CSMD3: variants seen among roughly 807,000 people sequenced by gnomAD.
CSMD3 encodes the protein CUB and Sushi multiple domains 3.
In CSMD3, 177 loss-of-function variants were observed where a neutral mutation model predicts 435.2. The ratio of observed to expected loss-of-function variants is 0.41; its 90% CI spans 0.36 to 0.46. The LOEUF (loss-of-function observed/expected upper bound fraction) is 0.46. Among genes scored for constraint, CSMD3 ranks in the 20% least tolerant of loss-of-function variants. The pLI is 0.34. For synonymous variants in CSMD3, 1,656 were observed against 1,520.5 expected (o/e 1.09, Z -2.07); for missense variants, 4,265 against 4,504.6 (o/e 0.95, Z 1.52).
chr8:112,988,273 T>C (rs770893400), intron 6 of CSMD3, among the ~76,000 whole-genome samples: 21 of 152,074 alleles, frequency 1.4e-4, no homozygotes, highest in Non-Finnish European at 1.6e-4. Context: ...TCAAATGTAT[T>C]TGAATTTAAG....
At chr8:113,290,403 T>A (rs1588450733) in intron 2 of CSMD3, among the ~76,000 whole-genome samples, 1 of 151,786 alleles carries the variant, frequency 6.6e-6, no homozygotes, top group East Asian at 1.9e-4. Context: ...GTCAATATTT[T>A]ATTTACAAAG....
At chr8:113,216,363 T>C (rs1405128462) in intron 3 of CSMD3, among the ~76,000 whole-genome samples, 1 of 151,832 alleles carries the variant, frequency 6.6e-6, no homozygotes, top group African/African-American at 2.4e-5. Flanking sequence ...CATATGGGCA[T>C]TGAGATATAG....
intron 1 of CSMD3, among the ~76,000 whole-genome samples, chr8:113,386,667 C>T (rs948104037): frequency 6.6e-6 from 1 of 151,696 alleles, no homozygotes; most frequent in Non-Finnish European, 1.5e-5. Context: ...GACTCAATGG[C>T]AATCATAGCA....
chr8:113,171,048 T>G (rs1363928696), intron 4 of CSMD3, among the ~76,000 whole-genome samples: 1 of 151,942 alleles, frequency 6.6e-6, no homozygotes, highest in African/African-American at 2.4e-5. Context: ...TAGGGTTAGA[T>G]TTGAACAGAA....
chr8:112,545,258 C>A (rs963458693), intron 27 of CSMD3, among the ~76,000 whole-genome samples: 2 of 151,758 alleles, frequency 1.3e-5, no homozygotes, highest in African/African-American at 4.8e-5. Context: ...CTGAGGCGGG[C>A]GGATCACAAG....
At chr8:112,674,460 A>G (rs527505008) in intron 16 of CSMD3, among the ~76,000 whole-genome samples, 10 of 152,082 alleles carry the variant, frequency 6.6e-5, no homozygotes, top group Non-Finnish European at 1.0e-4. Flanking sequence ...ATGGCTTCTC[A>G]CCGCACAATT....
At chr8:112,927,091 G>A (rs1211685434) in intron 9 of CSMD3, among the ~76,000 whole-genome samples, 2 of 152,056 alleles carry the variant, frequency 1.3e-5, no homozygotes, top group African/African-American at 4.8e-5. Flanking sequence ...CAATAATGCT[G>A]ATTTAATATC....
chr8:112,390,078 G>C (rs1830290326), intron 36 of CSMD3, among the ~76,000 whole-genome samples: 1 of 152,182 alleles, frequency 6.6e-6, no homozygotes. Flanking sequence ...AGTTTTATTT[G>C]AGCCAAATCA....
chr8:112,410,628 G>GTATATATATATATGTGTA (rs373147062), intron 32 of CSMD3, among the ~76,000 whole-genome samples: 1 of 69,954 alleles, frequency 1.4e-5, no homozygotes, highest in African/African-American at 4.6e-5. Context: ...ATATATATGT[G>GTATATATATATATGTGTA]TATATATATG....
intron 27 of CSMD3, among the ~76,000 whole-genome samples, chr8:112,519,317 C>T (rs1334743951): frequency 2.6e-5 from 4 of 151,996 alleles, no homozygotes; most frequent in South Asian, 4.1e-4. Flanking sequence ...TTGTCTCACT[C>T]GTAATAATAT....
At chr8:112,535,510 T>A (rs914628660) in intron 27 of CSMD3, among the ~76,000 whole-genome samples, 11 of 147,842 alleles carry the variant, frequency 7.4e-5, no homozygotes, top group African/African-American at 1.0e-4. Flanking sequence ...CACTGCTCAA[T>A]GAAATAAAAG....
chr8:112,244,637 G>C lies in CSMD3; in HGVS notation c.10223-64C>G, dbSNP rs555102729. 6 of 1,265,104 alleles carry C rather than the reference G, an allele frequency of 4.7e-6. No homozygotes were observed. The East Asian group carries it at 1.4e-4, about 30-fold the overall frequency. 78.4% of individuals were successfully genotyped at this position (1,265,104 alleles called of 1,614,324 possible). A position where few individuals can be genotyped will look rare whatever the true frequency, so the allele number is the denominator to read the frequency against. The stretch of plus-strand genomic sequence containing the variant: ...ATATGTTAAGAAAAATTTGAGACAG[G>C]AGTCACAATATATTTCAGATATACT... On this transcript the variant is annotated intron_variant, in intron 64 of 70. Transcript: ENST00000297405.
intron 1 of CSMD3, among the ~76,000 whole-genome samples, chr8:113,359,962 A>C (rs1191345596): frequency 6.6e-6 from 1 of 152,106 alleles, no homozygotes; most frequent in African/African-American, 2.4e-5. Flanking sequence ...CTCTGTGGGG[A>C]ATGAAGTTCT....
intron 11 of CSMD3, among the ~76,000 whole-genome samples, chr8:112,849,787 A>C (rs2080432958): frequency 6.6e-6 from 1 of 151,992 alleles, no homozygotes; most frequent in Admixed American, 6.6e-5. Context: ...TAAGTAAAAT[A>C]CGTATTTTAA....
intron 3 of CSMD3, among the ~76,000 whole-genome samples, chr8:113,204,787 C>T (rs1279580861): frequency 2.6e-5 from 4 of 152,130 alleles, no homozygotes; most frequent in Admixed American, 6.5e-5. Context: ...TGGTAACATG[C>T]TGTATTAGTC....
At chr8:112,940,662 T>G (rs1587720291) in intron 9 of CSMD3, among the ~76,000 whole-genome samples, 1 of 151,978 alleles carries the variant, frequency 6.6e-6, no homozygotes, top group South Asian at 2.1e-4. Context: ...ACACACCTGC[T>G]GGGACTATCA....
chr8:112,610,162 A>C (rs1280631865), intron 22 of CSMD3, among the ~76,000 whole-genome samples: 2 of 152,268 alleles, frequency 1.3e-5, no homozygotes, highest in East Asian at 3.9e-4. Flanking sequence ...GAGATCTTAA[A>C]TATTCTCATC....
chr8:112,930,673 C>T (rs987858784), intron 9 of CSMD3, among the ~76,000 whole-genome samples: 14 of 151,904 alleles, frequency 9.2e-5, no homozygotes, highest in African/African-American at 2.2e-4. Context: ...TATAAAATCC[C>T]ATTTGATCTA....
At chr8:113,293,339 G>A (rs1387709511) in intron 2 of CSMD3, among the ~76,000 whole-genome samples, 1 of 151,838 alleles carries the variant, frequency 6.6e-6, no homozygotes, top group Non-Finnish European at 1.5e-5. Context: ...ACTGAGAAGT[G>A]GAGAGAAGCT....
Sources: gnomAD v4.1 joint callset for allele counts (sites outside exome capture counted in the v4.1 genomes callset) on GRCh38, gnomAD v4.1.1 for gene constraint, MANE v1.5 for transcripts, NCBI Gene and HGNC (gene_info 2026-07-23, HGNC 2026-07-21) for gene names.